HK2: variants seen among roughly 807,000 people sequenced by gnomAD.
HK2 encodes the protein hexokinase-2.
HK2 carries 42 observed loss-of-function variants against 92.9 expected under a neutral mutation model. That is an observed-to-expected ratio of 0.45 (90% confidence interval 0.35 to 0.58). The LOEUF (loss-of-function observed/expected upper bound fraction) is 0.58. Ranked by LOEUF, HK2 falls within the 20% of genes least tolerant of loss-of-function variation. The pLI is 0.00. For missense variants in HK2, 978 were observed against 1,245.1 expected (o/e 0.79, Z 3.23); for synonymous variants, 422 against 468.0 (o/e 0.90, Z 1.27).
At position 74,891,876 on chromosome 2, in the gene HK2, G is replaced by A. The variant is rs1250133352; in HGVS notation, c.*935G>A. 6.5e-6 allele frequency: 1 copy of A among 152,674 alleles called. No individual in the cohort carries two copies. The highest frequency in any genetic ancestry group is 2.4e-5 in the African/African-American group (1 of 41,458). The allele number at this position is 152,674 out of a possible 1,614,324, so 9.5% of individuals were successfully genotyped here. A position where few individuals can be genotyped will look rare whatever the true frequency, so the allele number is the denominator to read the frequency against. On this transcript the variant is annotated 3_prime_UTR_variant, in exon 18 of 18. Transcript: ENST00000290573. ...TCTTGTCAGAATTGGCCTCAGTGTA[G>A]TTAAAGGGCAGAAGGGGAAGATACT...
At chr2:74,887,853 C>G (rs1397204947) in intron 15 of HK2, 50 bp from the exon 16 acceptor site, 1 of 1,593,450 alleles carries the variant, frequency 6.3e-7, no homozygotes, top group Non-Finnish European at 8.6e-7. Flanking sequence ...TGTCTCAACA[C>G]ATCCCTCCAC....
In HK2 at chr2:74,885,538, C is replaced by T. The variant is rs745935060; in HGVS notation, c.1884C>T (p.Cys628=). 34 of 1,613,696 alleles carry T rather than the reference C, an allele frequency of 2.1e-5. No homozygotes were observed. Among genetic ancestry groups the T allele is most frequent in the South Asian group, 1.8e-4 (16 of 91,074 alleles). ...KWTKGFKASG[C]EGEDVVTLLK... is the part of the protein sequence containing the mutation. ...CAAAAGGCTTCAAGGCATCTGGCTG[C>T]GAGGGCGAGGACGTGGTGACCCTGC... The change falls in exon 13 of 18, where the codon TGC becomes TGT. Residue 628 remains cysteine (C), a synonymous_variant. Transcript: ENST00000290573.
chr2:74,858,638 T>C (rs145122160), intron 2 of HK2, among the ~76,000 whole-genome samples: 5 of 152,336 alleles, frequency 3.3e-5, no homozygotes, highest in Admixed American at 1.3e-4. Flanking sequence ...GGTTTTAATT[T>C]TGGAAGATTG....
intron 2 of HK2, among the ~76,000 whole-genome samples, chr2:74,863,638 C>T (rs3755452): frequency 0.17 from 25,756 of 152,110 alleles, 2,748 homozygotes; most frequent in East Asian, 0.32. Flanking sequence ...TTTCGGTCCT[C>T]GTTTCATTTG....
chr2:74,843,668 G>A (rs1219960969), intron 1 of HK2, among the ~76,000 whole-genome samples: 5 of 152,166 alleles, frequency 3.3e-5, no homozygotes, highest in African/African-American at 1.2e-4. Context: ...GATGCTTGGA[G>A]GTGGTCCATG....
intron 1 of HK2, among the ~76,000 whole-genome samples, chr2:74,847,807 A>G (rs1020449096): frequency 3.9e-5 from 6 of 152,204 alleles, no homozygotes; most frequent in African/African-American, 1.4e-4. Flanking sequence ...ATCGGCCTAT[A>G]ACAGGTAGCA....
rs553332332 is a variant in HK2, at chr2:74,882,604, CT to C, written c.1839+367del. On this transcript the variant is annotated intron_variant, in intron 12 of 17. Transcript: ENST00000290573. ...ATAGGAAGACCCCATCTCTATTGAA[CT>C]TATATATATATATATAGCATTTTTA... Among the ~76,000 whole-genome samples, 3 of 40,476 alleles carry C rather than the reference CT, an allele frequency of 7.4e-5. 1 individual carries two copies. The highest frequency in any genetic ancestry group is 1.6e-4 in the Non-Finnish European group (3 of 18,220). 26.6% of individuals were successfully genotyped at this position (40,476 alleles called of 152,430 possible). A position where few individuals can be genotyped will look rare whatever the true frequency, so the allele number is the denominator to read the frequency against.
chr2:74,847,399 C>T (rs779411982), intron 1 of HK2, among the ~76,000 whole-genome samples: 1 of 152,088 alleles, frequency 6.6e-6, no homozygotes, highest in Non-Finnish European at 1.5e-5. Flanking sequence ...CTTGACAGGC[C>T]AGGTGTGGTG....
At chr2:74,872,130 A>T (rs1689112741) in intron 3 of HK2, among the ~76,000 whole-genome samples, 170 bp from the exon 4 acceptor site, 1 of 152,214 alleles carries the variant, frequency 6.6e-6, no homozygotes, top group Non-Finnish European at 1.5e-5. Context: ...TAACTCCATG[A>T]GGACAGGTCC....
At chr2:74,854,611 C>T (rs1048866951) in intron 2 of HK2, among the ~76,000 whole-genome samples, 156 bp downstream of exon 2, 1 of 152,194 alleles carries the variant, frequency 6.6e-6, no homozygotes, top group Non-Finnish European at 1.5e-5. Flanking sequence ...GACGGATGGA[C>T]AGGAAGCTTG....
At chr2:74,864,744 T>A (rs758177187) in intron 2 of HK2, among the ~76,000 whole-genome samples, 6 of 152,188 alleles carry the variant, frequency 3.9e-5, no homozygotes, top group African/African-American at 7.2e-5. Flanking sequence ...AGACCTCAAG[T>A]AATCTGCCCG....
chr2:74,891,716 A>T lies in HK2; in HGVS notation c.*775A>T, dbSNP rs1167995025. On this transcript the variant is annotated 3_prime_UTR_variant, in exon 18 of 18. Coordinates refer to ENST00000290573, the MANE Select transcript of HK2 (RefSeq NM_000189.5). ...TTTCCTGCAAAAGTGGAATCACTGT[A>T]TTTTCATTTTAATTTATATTTGAAA... 1 of 148,172 alleles carries T rather than the reference A, an allele frequency of 6.7e-6. No homozygotes were observed. The highest frequency in any genetic ancestry group is 2.6e-5 in the African/African-American group (1 of 38,928). The allele number at this position is 148,172 out of a possible 1,614,324, so 9.2% of individuals were successfully genotyped here.
chr2:74,889,498 C>A lies in HK2; in HGVS notation c.2609+20C>A, dbSNP rs556455439. Reference sequence around the variant, plus strand: ...TCCTCAGTGAGTGCCTGATCCCAGCCCCCCCTGCCTACCTTCTTTCTGTCT... The same window carrying A: ...TCCTCAGTGAGTGCCTGATCCCAGCACCCCCTGCCTACCTTCTTTCTGTCT... On this transcript the variant is annotated intron_variant, in intron 17 of 17. Coordinates refer to ENST00000290573, the MANE Select transcript of HK2 (RefSeq NM_000189.5). 6.6e-5 allele frequency: 97 copies of A among 1,479,628 alleles called. 1 individual carries two copies. Among genetic ancestry groups the A allele is most frequent in the Middle Eastern group, 5.1e-4 (3 of 5,836 alleles). The allele number at this position is 1,479,628 out of a possible 1,614,324, so 91.7% of individuals were successfully genotyped here.
chr2:74,854,872 G>A (rs1003323902), intron 2 of HK2, among the ~76,000 whole-genome samples: 1 of 152,200 alleles, frequency 6.6e-6, no homozygotes. Context: ...CTGGGACGCC[G>A]GACGCCGTGT....
rs151067014 is a variant in HK2, at chr2:74,876,090, T to A, written c.876-1076T>A. On this transcript the variant is annotated intron_variant, in intron 7 of 17. Transcript: ENST00000290573. The stretch of plus-strand genomic sequence containing the variant: ...AGCCAGGCTCCCATCCACGCTGGTT[T>A]CCTTCTCCTGAAGCTCTGCCTGTGT... 2.9e-3 allele frequency among the ~76,000 whole-genome samples: 438 copies of A among 152,366 alleles called. 1 individual carries two copies. The highest frequency in any genetic ancestry group is 7.9e-3 in the South Asian group (38 of 4,830).
intron 1 of HK2, among the ~76,000 whole-genome samples, chr2:74,835,825 T>G (rs1688151706): frequency 6.6e-6 from 1 of 152,224 alleles, no homozygotes; most frequent in Non-Finnish European, 1.5e-5. Context: ...TTTCAATATC[T>G]GATGGGAACA....
chr2:74,868,994 A>G (rs887555851), intron 3 of HK2, among the ~76,000 whole-genome samples: 13 of 152,250 alleles, frequency 8.5e-5, no homozygotes, highest in African/African-American at 2.7e-4. Context: ...AATCCATTTT[A>G]AACATTCAAG....
At position 74,834,686 on chromosome 2, in the gene HK2, G is replaced by A. The variant is rs539412754; in HGVS notation, c.63+43G>A. The A allele has an allele frequency of 2.2e-5, 36 of 1,600,508 alleles. No individual in the cohort carries two copies. In the East Asian group the frequency reaches 4.0e-4, roughly 18 times the overall value. ...GGGCGGCAGGCTGGGCTCTGGCAAA[G>A]TGGTCTGGCCTCCATCAGTCTCTTC... On this transcript the variant is annotated intron_variant, in intron 1 of 17. Coordinates refer to ENST00000290573, the MANE Select transcript of HK2 (RefSeq NM_000189.5). This position sits in a 1 kb window ranked among gnomAD's most constrained non-coding sequence, Gnocchi z 4.2.
At chr2:74,867,494 T>C (rs1688982296) in intron 2 of HK2, 142 bp from the exon 3 acceptor site, 1 of 788,008 alleles carries the variant, frequency 1.3e-6, no homozygotes, top group East Asian at 2.5e-5. Context: ...AATTAGACTA[T>C]ATGTAATGTC....
Sources: gnomAD v4.1 joint callset for allele counts (sites outside exome capture counted in the v4.1 genomes callset) on GRCh38, gnomAD v4.1.1 for gene constraint, Gnocchi (gnomAD v3.1) non-coding constraint, MANE v1.5 for transcripts, NCBI Gene and HGNC (gene_info 2026-07-23, HGNC 2026-07-21) for gene names.